Variants in ARHGAP21 observed in about 807,000 individuals in gnomAD.
The protein encoded by ARHGAP21 is Rho GTPase activating protein 21.
Under a neutral mutation model 164.6 loss-of-function variants are expected in ARHGAP21, and 38 were observed. The ratio of observed to expected loss-of-function variants is 0.23; its 90% CI spans 0.18 to 0.30. The LOEUF (loss-of-function observed/expected upper bound fraction) is 0.30, where lower values mean the gene tolerates loss of function less well. Among genes scored for constraint, ARHGAP21 ranks in the 10% least tolerant of loss-of-function variants. The probability of loss-of-function intolerance (pLI) is 1.00; values close to 1 mark genes in which losing one functional copy is unlikely to be tolerated. For missense variants in ARHGAP21, 1,822 were observed against 2,370.7 expected, an observed-to-expected ratio of 0.77 and a Z score of 4.81; for synonymous variants, 766 against 857.9, an observed-to-expected ratio of 0.89 and a Z score of 1.87.
intron 4 of ARHGAP21, among the ~76,000 whole-genome samples, chr10:24,665,088 G>A (rs1840064741): frequency 6.6e-6 from 1 of 152,192 alleles, no homozygotes; most frequent in Admixed American, 6.5e-5. Context: ...ATGATGGGAA[G>A]ATGGAGTACC....
intron 4 of ARHGAP21, among the ~76,000 whole-genome samples, chr10:24,663,352 A>T (rs1482024455): frequency 6.6e-6 from 1 of 152,204 alleles, no homozygotes; most frequent in Non-Finnish European, 1.5e-5. Flanking sequence ...ATAATCATAA[A>T]AGATCACCGG....
chr10:24,590,465 C>T (rs2076281420), intron 24 of ARHGAP21: 2 of 1,535,188 alleles, frequency 1.3e-6, no homozygotes, highest in Non-Finnish European at 1.7e-6. Flanking sequence ...GTGTGATAGA[C>T]TCCTCCCACT....
intron 4 of ARHGAP21, among the ~76,000 whole-genome samples, chr10:24,653,609 C>T (rs1445982884): frequency 2.6e-5 from 4 of 151,946 alleles, no homozygotes; most frequent in African/African-American, 4.8e-5. Flanking sequence ...GACAAGGTCT[C>T]ACTATTTGCT....
At chr10:24,702,269 T>C (rs1843749070) in intron 2 of ARHGAP21, among the ~76,000 whole-genome samples, 3 of 151,556 alleles carry the variant, frequency 2.0e-5, no homozygotes, top group African/African-American at 7.3e-5. Flanking sequence ...TAGCTGGGAC[T>C]ACAGGCACCC....
At position 24,681,931 on chromosome 10, in the gene ARHGAP21, G is replaced by C. The variant is rs76684070; in HGVS notation, c.64-11534C>G. Among the ~76,000 whole-genome samples, 3 of 152,144 alleles carry C rather than the reference G, an allele frequency of 2.0e-5. No individual in the cohort carries two copies. The South Asian group carries it at 6.2e-4, about 31-fold the overall frequency. ...GACATGCACTCTGACTAGACTGCCC[G>C]GGTCTGGATTCTTGATTTGTTAAGT... is the stretch of plus-strand genomic sequence containing the variant. On this transcript the variant is annotated intron_variant, in intron 2 of 25. Coordinates refer to ENST00000396432, the MANE Select transcript of ARHGAP21 (RefSeq NM_020824.4).
chr10:24,650,584 G>T (rs778487015), intron 4 of ARHGAP21, among the ~76,000 whole-genome samples: 7 of 151,956 alleles, frequency 4.6e-5, no homozygotes, highest in African/African-American at 1.7e-4. Context: ...TCAGAAAAGA[G>T]AAAAATATAA....
chr10:24,594,051 T>G (rs1167827532), intron 21 of ARHGAP21, among the ~76,000 whole-genome samples: 1 of 152,196 alleles, frequency 6.6e-6, no homozygotes, highest in Non-Finnish European at 1.5e-5. Context: ...TTTCTTAAAC[T>G]GATCTTTCTC....
At chr10:24,592,125 G>GTAGAT in intron 21 of ARHGAP21, 113 bp from the exon 22 acceptor site, 1 of 692,478 alleles carries the variant, frequency 1.4e-6, no homozygotes, top group Non-Finnish European at 2.1e-6. Context: ...TAGCTTTGAT[G>GTAGAT]TAGATTAAAA....
In ARHGAP21 at chr10:24,670,315, T is replaced by G; in HGVS notation, c.146A>C (p.Lys49Thr). Residue 49 changes from lysine to threonine, a missense_variant, in exon 3 of 26, where the codon AAA (lysine) becomes ACA (threonine). Physicochemically the swap from Lys to Thr is moderately conservative, Grantham distance 78 (BLOSUM62 -1). This residue lies in a region of ARHGAP21 where 1,090 missense variants were observed against 1,378.9 expected (regional missense o/e 0.79). Transcript: ENST00000396432. ...AGATGTTCTTTTCAACGTAACTGTT[T>G]TGGGACCTGGCCAGGAGAATGTTTC... is the stretch of plus-strand genomic sequence containing the variant. ...EDETFSWPGP[K>T]TVTLKRTSQG... 6.2e-7 allele frequency: 1 copy of G among 1,610,052 alleles called. No homozygotes were observed. The highest frequency in any genetic ancestry group is 8.5e-7 in the Non-Finnish European group (1 of 1,177,636).
intron 21 of ARHGAP21, among the ~76,000 whole-genome samples, chr10:24,593,876 CTT>C (rs1038897661): frequency 6.8e-6 from 1 of 147,406 alleles, no homozygotes; most frequent in African/African-American, 2.5e-5. Context: ...TCCTTTCTCT[CTT>C]TTTTTTTTTC....
In ARHGAP21 at chr10:24,598,020, A is replaced by C; in HGVS notation, c.3133-11T>G. On this transcript the variant is annotated splice_polypyrimidine_tract_variant and intron_variant, in intron 14 of 25. Coordinates refer to ENST00000396432, the MANE Select transcript of ARHGAP21 (RefSeq NM_020824.4). Reference sequence around the variant, plus strand: ...AGTGACTCCAGTGTCCTACAGAATAAAGTAAAATTAGAAAATCAATTCTAA... The same window carrying C: ...AGTGACTCCAGTGTCCTACAGAATACAGTAAAATTAGAAAATCAATTCTAA... The C allele has an allele frequency of 6.2e-7, 1 of 1,600,182 alleles. No homozygotes were observed. Among genetic ancestry groups the C allele is most frequent in the Non-Finnish European group, 8.5e-7 (1 of 1,171,502 alleles).
intron 4 of ARHGAP21, among the ~76,000 whole-genome samples, chr10:24,649,948 A>T (rs920491708): frequency 1.3e-5 from 2 of 152,010 alleles, no homozygotes; most frequent in African/African-American, 4.8e-5. Context: ...AAAACTTCTC[A>T]TAATCAAACT....
chr10:24,672,893 A>C lies in ARHGAP21; in HGVS notation c.64-2496T>G, dbSNP rs556446714. On this transcript the variant is annotated intron_variant, in intron 2 of 25. Coordinates refer to ENST00000396432, the MANE Select transcript of ARHGAP21 (RefSeq NM_020824.4). ...AAAACAAAAACAAAAACAAAAAAAA[A>C]CAGCATTTCCATATACTAGCAATAA... Among the ~76,000 whole-genome samples the C allele has an allele frequency of 9.6e-4, 146 of 152,292 alleles. 1 individual carries two copies. The highest frequency in any genetic ancestry group is 9.3e-3 in the South Asian group (45 of 4,826).
At chr10:24,619,239 G>A (rs1203986838) in intron 9 of ARHGAP21, among the ~76,000 whole-genome samples, 1 of 150,276 alleles carries the variant, frequency 6.7e-6, no homozygotes, top group Non-Finnish European at 1.5e-5. Flanking sequence ...TTTGAAATGG[G>A]TACTAGGTAC....
intron 4 of ARHGAP21, among the ~76,000 whole-genome samples, chr10:24,644,156 G>A (rs1837342356): frequency 6.6e-6 from 1 of 151,860 alleles, no homozygotes; most frequent in Non-Finnish European, 1.5e-5. Context: ...ATTTCAGGTG[G>A]GGATTTAGTC....
intron 4 of ARHGAP21, among the ~76,000 whole-genome samples, chr10:24,648,000 G>A (rs1837745522): frequency 6.6e-6 from 1 of 152,000 alleles, no homozygotes; most frequent in African/African-American, 2.4e-5. Context: ...CACCACACCC[G>A]GCTAATTTTT....
intron 3 of ARHGAP21, among the ~76,000 whole-genome samples, chr10:24,669,504 T>C (rs1217326016): frequency 6.6e-6 from 1 of 152,218 alleles, no homozygotes; most frequent in African/African-American, 2.4e-5. Flanking sequence ...CAAGCATGTA[T>C]ATTGGTCAAA....
At chr10:24,708,156 T>C (rs1243151025) in intron 2 of ARHGAP21, among the ~76,000 whole-genome samples, 1 of 152,180 alleles carries the variant, frequency 6.6e-6, no homozygotes, top group Non-Finnish European at 1.5e-5. Context: ...GTCCTCAAAA[T>C]CTGAAAACTG....
At position 24,619,652 on chromosome 10, in the gene ARHGAP21, G is replaced by A. The variant is rs773398019; in HGVS notation, c.2243C>T (p.Pro748Leu). The change falls in exon 9 of 26, where the codon CCG (proline) becomes CTG (leucine). Residue 748 changes from proline (P) to leucine (L), a missense_variant. Coordinates refer to ENST00000396432, the MANE Select transcript of ARHGAP21 (RefSeq NM_020824.4). ...REKPPSGRQT[P>L]QPLRHQSYIL... Reference sequence around the variant, plus strand: ...GTAAGACTGATGCCTTAAAGGCTGCGGTGTCTGGCGTCCAGATGGAGGTTT... The same window carrying A: ...GTAAGACTGATGCCTTAAAGGCTGCAGTGTCTGGCGTCCAGATGGAGGTTT... The A allele has an allele frequency of 6.8e-6, 11 of 1,614,112 alleles. No individual in the cohort carries two copies. The highest frequency in any genetic ancestry group is 1.6e-4 in the Middle Eastern group (1 of 6,062).
Sources: allele counts gnomAD v4.1 joint callset (sites outside exome capture counted in the v4.1 genomes callset), GRCh38; gene constraint gnomAD v4.1.1; regional missense constraint gnomAD v4.1.1; transcripts MANE v1.5; gene names NCBI Gene and HGNC (gene_info 2026-07-23, HGNC 2026-07-21).